Variants in GLI3 observed in about 807,000 individuals in gnomAD.
GLI3 encodes the protein GLI family zinc finger 3, also known as transcription activator GLI3.
A neutral mutation model predicts 100.8 loss-of-function variants in GLI3; 20 were observed. The ratio of observed to expected loss-of-function variants is 0.20; its 90% CI spans 0.14 to 0.29. GLI3 has a LOEUF of 0.29. Among genes scored for constraint, GLI3 ranks in the 10% least tolerant of loss-of-function variants. The pLI is 1.00. For missense variants in GLI3, 2,040 were observed against 2,128.5 expected, an observed-to-expected ratio of 0.96 and a Z score of 0.82; for synonymous variants, 938 against 860.5, an observed-to-expected ratio of 1.09 and a Z score of -1.58.
At chr7:42,030,402 T>A (rs1489194361) in intron 7 of GLI3, among the ~76,000 whole-genome samples, 1 of 152,232 alleles carries the variant, frequency 6.6e-6, no homozygotes, top group Non-Finnish European at 1.5e-5. Flanking sequence ...GGGGCCGTTA[T>A]CCTGCCTACC....
At chr7:42,087,877 T>C (rs1785135502) in intron 3 of GLI3, among the ~76,000 whole-genome samples, 5 of 152,182 alleles carry the variant, frequency 3.3e-5, no homozygotes, top group Admixed American at 3.3e-4. Flanking sequence ...ACCCTCACTG[T>C]CTAAGAAGCA....
rs111522893 is a variant in GLI3 at position 42,262,721 on chromosome 7, C to T, written c.-43+1273G>A. 3.2e-4 allele frequency among the ~76,000 whole-genome samples: 48 copies of T among 152,256 alleles called. 1 individual carries two copies. Among genetic ancestry groups the T allele is most frequent in the African/African-American group, 1.0e-3 (43 of 41,556 alleles). On this transcript the variant is annotated intron_variant, in intron 1 of 2. Transcript: ENST00000678978. ...AGAAACTCACACTTTGGAAATGGTC[C>T]TTATTTATCAGCCCAAATACCTTTT... is the stretch of plus-strand genomic sequence containing the variant.
intron 4 of GLI3, 118 bp downstream of exon 4, chr7:42,076,634 T>A: frequency 1.4e-6 from 1 of 740,596 alleles, no homozygotes; most frequent in Non-Finnish European, 2.5e-6. Context: ...CAAAAGTAAA[T>A]CTTACACTTC....
intron 10 of GLI3, among the ~76,000 whole-genome samples, chr7:42,004,124 C>T (rs372662046): frequency 6.6e-6 from 1 of 152,146 alleles, no homozygotes; most frequent in African/African-American, 2.4e-5. Context: ...ACTTCATTCA[C>T]ATGCCCAAAC....
chr7:42,187,524 G>A (rs1787741159), intron 2 of GLI3, among the ~76,000 whole-genome samples: 1 of 151,956 alleles, frequency 6.6e-6, no homozygotes, highest in South Asian at 2.1e-4. Flanking sequence ...TTAAAGCTGA[G>A]TAACAAAAGA....
intron 10 of GLI3, among the ~76,000 whole-genome samples, chr7:42,022,519 G>A (rs1788973872): frequency 6.6e-6 from 1 of 152,068 alleles, no homozygotes. Flanking sequence ...GCAGGAGGAG[G>A]GGAATCGCAA....
chr7:41,987,810 C>T lies in GLI3; in HGVS notation c.1498-9062G>A, dbSNP rs548373124. ...CAGAATCTCTATCTTTTCAGTTTTG[C>T]TGTTACCTTGGATTATATAATAACT... On this transcript the variant is annotated intron_variant, in intron 10 of 14. Transcript: ENST00000395925. Among the ~76,000 whole-genome samples the T allele has an allele frequency of 8.1e-4, 123 of 152,244 alleles. 1 individual carries two copies. The highest frequency in any genetic ancestry group is 2.9e-3 in the African/African-American group (120 of 41,540).
intron 3 of GLI3, among the ~76,000 whole-genome samples, chr7:42,129,933 A>G (rs1786232049): frequency 6.6e-6 from 1 of 152,198 alleles, no homozygotes; most frequent in African/African-American, 2.4e-5. Context: ...TCTCCAGATA[A>G]AAATTTTATG....
rs547310396 is a variant in GLI3 at position 42,214,372 on chromosome 7, G to A, written c.124+8758C>T. Among the ~76,000 whole-genome samples, 505 of 151,986 alleles carry A rather than the reference G, an allele frequency of 3.3e-3. 1 individual carries two copies. Among genetic ancestry groups the A allele is most frequent in the Non-Finnish European group, 5.9e-3 (400 of 67,978 alleles). The stretch of plus-strand genomic sequence containing the variant: ...AGCAGGGAAAGAGATGAAAGAATGC[G>A]GGATGAAGCTACCATTTACGGAACC... On this transcript the variant is annotated intron_variant, in intron 2 of 14. Transcript: ENST00000395925.
Position 41,965,022 on chromosome 7 carries a change from T to C in GLI3, c.4051A>G (p.Thr1351Ala). 3 of 1,613,816 alleles carry C rather than the reference T, an allele frequency of 1.9e-6. No individual in the cohort carries two copies. Among genetic ancestry groups the C allele is most frequent in the Non-Finnish European group, 2.5e-6 (3 of 1,179,944 alleles). Reference sequence around the variant, plus strand: ...CCTTGGTAGATGTTGATGTGTGAGGTAGCACTAATCTGCCCAAGCATCTGC... The same window carrying C: ...CCTTGGTAGATGTTGATGTGTGAGGCAGCACTAATCTGCCCAAGCATCTGC... Reference protein sequence around the residue: ...GQQMLGQISATSHINIYQGPE... With the variant: ...GQQMLGQISAASHINIYQGPE... The change falls in exon 15 of 15, where the codon ACC becomes GCC. Residue 1351 changes from threonine to alanine, a missense_variant. Thr to Ala is a moderately conservative substitution (Grantham distance 58). Transcript: ENST00000395925.
At chr7:42,036,619 C>T (rs545701742) in intron 7 of GLI3, among the ~76,000 whole-genome samples, 1 of 152,274 alleles carries the variant, frequency 6.6e-6, no homozygotes, top group African/African-American at 2.4e-5. Flanking sequence ...TTCTTAGAAA[C>T]TGAATGAGTA....
intron 5 of GLI3, among the ~76,000 whole-genome samples, chr7:42,046,976 C>T (rs528790011): frequency 1.5e-3 from 226 of 152,084 alleles, no homozygotes; most frequent in African/African-American, 5.4e-3. Context: ...GGCAACATGG[C>T]GAAACGCTGT....
At chr7:42,094,066 C>G (rs965700615) in intron 3 of GLI3, among the ~76,000 whole-genome samples, 3 of 152,074 alleles carry the variant, frequency 2.0e-5, no homozygotes, top group African/African-American at 7.2e-5. Context: ...CAAGAAGGGT[C>G]TTGGGGTTTA....
intron 4 of GLI3, among the ~76,000 whole-genome samples, chr7:42,068,230 A>T (rs1185583346): frequency 6.6e-6 from 1 of 152,252 alleles, no homozygotes; most frequent in Non-Finnish European, 1.5e-5. Context: ...AATGTCACCA[A>T]ATTAGCTAAG....
In GLI3 at chr7:41,963,236, T is replaced by C. The variant is rs1787053177; in HGVS notation, c.*1094A>G. ...TTTATAAATCCCTCAAAATAAGGTATTTAGAATGGAAATCCTCCCTCACTA... is the reference window on the plus strand; with the variant it reads ...TTTATAAATCCCTCAAAATAAGGTACTTAGAATGGAAATCCTCCCTCACTA... On this transcript the variant is annotated 3_prime_UTR_variant, in exon 15 of 15. Transcript: ENST00000395925. 1 of 152,186 alleles carries C rather than the reference T, an allele frequency of 6.6e-6. No homozygotes were observed. The highest frequency in any genetic ancestry group is 2.4e-5 in the African/African-American group (1 of 41,434). The allele number at this position is 152,186 out of a possible 1,614,324, so 9.4% of individuals were successfully genotyped here.
intron 2 of GLI3, among the ~76,000 whole-genome samples, chr7:42,180,219 C>A (rs1334932803): frequency 2.6e-5 from 4 of 152,092 alleles, no homozygotes; most frequent in Non-Finnish European, 5.9e-5. Context: ...GGGGGAAGAC[C>A]CCTGTCATCA....
At chr7:42,024,189 A>G (rs1789032674) in intron 9 of GLI3, among the ~76,000 whole-genome samples, 1 of 152,168 alleles carries the variant, frequency 6.6e-6, no homozygotes, top group Non-Finnish European at 1.5e-5. Flanking sequence ...TCTGATCTCT[A>G]AGGATATGCT....
At chr7:42,127,289 G>A (rs1001327802) in intron 3 of GLI3, among the ~76,000 whole-genome samples, 3 of 152,166 alleles carry the variant, frequency 2.0e-5, no homozygotes, top group Non-Finnish European at 4.4e-5. Context: ...GGATAAAGAT[G>A]TTTTTCTCTG....
chr7:42,221,561 C>T (rs376678192), intron 2 of GLI3, among the ~76,000 whole-genome samples: 3 of 152,128 alleles, frequency 2.0e-5, no homozygotes, highest in African/African-American at 7.2e-5. Flanking sequence ...CACTCACACC[C>T]TCACACACAG....
Sources: gnomAD v4.1 joint callset for allele counts (sites outside exome capture counted in the v4.1 genomes callset) on GRCh38, gnomAD v4.1.1 for gene constraint, MANE v1.5 for transcripts, NCBI Gene and HGNC (gene_info 2026-07-23, HGNC 2026-07-21) for gene names.